ITPRIP: variants seen among roughly 807,000 people sequenced by gnomAD.
The protein encoded by ITPRIP is inositol 1,4,5-trisphosphate receptor interacting protein.
ITPRIP carries 32 observed loss-of-function variants against 35.8 expected under a neutral mutation model. The ratio of observed to expected loss-of-function variants is 0.89; its 90% CI spans 0.68 to 1.20. The LOEUF (loss-of-function observed/expected upper bound fraction) is 1.20. Ranked by LOEUF, ITPRIP falls within the 50% of genes most tolerant of loss-of-function variation. The pLI is 0.00. For synonymous variants in ITPRIP, 358 were observed against 324.0 expected (o/e 1.11, Z -1.13); for missense variants, 653 against 735.6 (o/e 0.89, Z 1.30).
At position 104,314,528 on chromosome 10, in the gene ITPRIP, C is replaced by T; in HGVS notation, c.1524G>A (p.Leu508=). The change falls in exon 2 of 2, where the codon CTG becomes CTA. Residue 508 remains leucine (L), a synonymous_variant. Coordinates refer to ENST00000337478, the MANE Select transcript of ITPRIP (RefSeq NM_001272013.2). ...EPLNLFRPFV[L]QRSLYRKTLD... is the part of the protein sequence containing the mutation. ...GTGTCTTACGGTAAAGGCTTCGCTG[C>T]AGGACGAAGGGCCGGAAGAGGTTGA... The T allele has an allele frequency of 6.2e-7, 1 of 1,614,218 alleles. No individual in the cohort carries two copies. Among genetic ancestry groups the T allele is most frequent in the Non-Finnish European group, 8.5e-7 (1 of 1,180,042 alleles).
rs2013632946 is a variant in ITPRIP at position 104,315,322 on chromosome 10, T to C, written c.730A>G (p.Lys244Glu). Residue 244 changes from lysine to glutamate, a missense_variant, in exon 2 of 2, where the codon AAG (lysine) becomes GAG (glutamate). Physicochemically the swap from Lys to Glu is moderately conservative, Grantham distance 56. Transcript: ENST00000337478. This position sits in a 1 kb window ranked among gnomAD's most constrained non-coding sequence, Gnocchi z 5.7. The stretch of plus-strand genomic sequence containing the variant: ...GTGTCCCCATCGGCGCGGACCACCT[T>C]GATCTGGCCGTAGCCCTGGCGATCC... ...PLDRQGYGQI[K>E]VVRADGDTLS... 3 of 1,571,830 alleles carry C rather than the reference T, an allele frequency of 1.9e-6. No homozygotes were observed. The highest frequency in any genetic ancestry group is 2.7e-5 in the African/African-American group (2 of 74,252).
At chr10:104,316,514 A>G (rs1375415134) in intron 1 of ITPRIP, among the ~76,000 whole-genome samples, 2 of 152,112 alleles carry the variant, frequency 1.3e-5, no homozygotes, top group Non-Finnish European at 2.9e-5. Flanking sequence ...GTTGGGCCCA[A>G]TAGGAAGAAA....
In ITPRIP at chr10:104,315,890, G is replaced by A. The variant is rs765764052; in HGVS notation, c.162C>T (p.Arg54=). 3 of 1,613,758 alleles carry A rather than the reference G, an allele frequency of 1.9e-6. No individual in the cohort carries two copies. In the South Asian group the frequency reaches 3.3e-5, roughly 18 times the overall value. The change falls in exon 2 of 2, where the codon CGC becomes CGT. Residue 54 remains arginine (R), a synonymous_variant. Transcript: ENST00000337478. The surrounding 1 kb of genome is among the most constrained non-coding windows in gnomAD (Gnocchi z 5.7). The part of the protein sequence containing the change: ...HQEKLQLEQL[R]LEEEVARLAA... ...CCAGCCGAGCCACCTCCTCCTCCAG[G>A]CGCAACTGCTCCAGCTGCAGCTTCT...
At chr10:104,319,594 CT>C (rs2013792989) in intron 1 of ITPRIP, among the ~76,000 whole-genome samples, 1 of 152,086 alleles carries the variant, frequency 6.6e-6, no homozygotes, top group African/African-American at 2.4e-5. Context: ...ATTTGGCTCC[CT>C]GTTAAACTCT....
intron 1 of ITPRIP, among the ~76,000 whole-genome samples, chr10:104,331,884 G>A (rs1210599024): frequency 6.6e-6 from 1 of 152,202 alleles, no homozygotes; most frequent in East Asian, 1.9e-4. Flanking sequence ...AGCAGGAAGG[G>A]ACCAGAAGTC....
intron 1 of ITPRIP, among the ~76,000 whole-genome samples, chr10:104,331,991 C>T (rs2014159333): frequency 2.0e-5 from 3 of 152,160 alleles, no homozygotes; most frequent in African/African-American, 7.2e-5. Flanking sequence ...TTCTGGGCTA[C>T]AGTGTCCAGA....
rs2014189398 is a variant in ITPRIP, at chr10:104,333,492, G to T, written c.-14+4754C>A. ...TGCTTCCGTTTCACTGATGTCACGG[G>T]GTGGGCCTAACAGATAGAGGGGGGA... On this transcript the variant is annotated intron_variant, in intron 1 of 1. Coordinates refer to ENST00000337478, the MANE Select transcript of ITPRIP (RefSeq NM_001272013.2). The surrounding 1 kb of genome is among the most constrained non-coding windows in gnomAD (Gnocchi z 4.1). The T allele has an allele frequency of 1.3e-5, 2 of 152,238 alleles. No homozygotes were observed. Among genetic ancestry groups the T allele is most frequent in the Admixed American group, 1.3e-4 (2 of 15,272 alleles). The allele number at this position is 152,238 out of a possible 1,614,324, so 9.4% of individuals were successfully genotyped here.
Position 104,315,592 on chromosome 10 carries a change from T to TG in ITPRIP, c.459dup (p.Thr154HisfsTer17). 1 of 1,613,734 alleles carries TG rather than the reference T, an allele frequency of 6.2e-7. No homozygotes were observed. Among genetic ancestry groups the TG allele is most frequent in the Non-Finnish European group, 8.5e-7 (1 of 1,179,998 alleles). On this transcript the variant is annotated frameshift_variant, in exon 2 of 2. Transcript: ENST00000337478. LOFTEE classifies it high-confidence loss of function. This position sits in a 1 kb window ranked among gnomAD's most constrained non-coding sequence, Gnocchi z 5.7. ...TCCCGGGTACGGGCTGCATCGGCCG[T>TG]GGCCCCCCGGATGCAGCGCTCATAA... is the stretch of plus-strand genomic sequence containing the variant.
chr10:104,318,957 C>A (rs77253626), intron 1 of ITPRIP, among the ~76,000 whole-genome samples: 1 of 152,358 alleles, frequency 6.6e-6, no homozygotes, highest in African/African-American at 2.4e-5. Flanking sequence ...GGGTTCAGGG[C>A]GGAGTGCGCC....
chr10:104,324,054 G>T, intron 1 of ITPRIP: 1 of 152,912 alleles, frequency 6.5e-6, no homozygotes. Context: ...TGCACATTGG[G>T]AGGAGGTGGC....
At chr10:104,322,000 C>T (rs1479758928) in intron 1 of ITPRIP, among the ~76,000 whole-genome samples, 3 of 152,098 alleles carry the variant, frequency 2.0e-5, no homozygotes, top group African/African-American at 4.8e-5. Context: ...TTACAATCCA[C>T]GCGGGAAGGT....
chr10:104,319,925 T>G (rs2013801269), intron 1 of ITPRIP, among the ~76,000 whole-genome samples: 1 of 151,916 alleles, frequency 6.6e-6, no homozygotes, highest in South Asian at 2.1e-4. Flanking sequence ...AAAACAGAGA[T>G]CCTAGGAGTG....
chr10:104,336,498 G>C (rs912049330), intron 1 of ITPRIP, among the ~76,000 whole-genome samples: 10 of 150,000 alleles, frequency 6.7e-5, no homozygotes, highest in African/African-American at 2.2e-4. Flanking sequence ...TTTTTTTGGG[G>C]GGGGGGGGGC....
rs549944181 is a variant in ITPRIP, at chr10:104,320,269, C to T, written c.-13-4205G>A. Among the ~76,000 whole-genome samples, 3 of 151,096 alleles carry T rather than the reference C, an allele frequency of 2.0e-5. No homozygotes were observed. The East Asian group carries it at 5.8e-4, about 29-fold the overall frequency. On this transcript the variant is annotated intron_variant, in intron 1 of 1. Coordinates refer to ENST00000337478, the MANE Select transcript of ITPRIP (RefSeq NM_001272013.2). The stretch of plus-strand genomic sequence containing the variant: ...CTTTTTAGGTTTGACAGACACTTAC[C>T]ATCTCCTGTCTCTGAAACTCGCTTC...
Position 104,316,025 on chromosome 10 carries a change from A to G in ITPRIP, c.27T>C (p.Cys9=), listed in dbSNP as rs1478249914. ...TGATGATGGCCGTCACCACCACCAG[A>G]CACACGCGGAAGAGCCCCATGGCCA... is the stretch of plus-strand genomic sequence containing the variant. MAMGLFRV[C]LVVVTAIINH... The change falls in exon 2 of 2, where the codon TGT becomes TGC. Residue 9 remains cysteine, a synonymous_variant. Transcript: ENST00000337478. 6.3e-7 allele frequency: 1 copy of G among 1,597,072 alleles called. No homozygotes were observed. Among genetic ancestry groups the G allele is most frequent in the African/African-American group, 1.3e-5 (1 of 74,554 alleles).
chr10:104,315,088 C>T lies in ITPRIP; in HGVS notation c.964G>A (p.Asp322Asn), dbSNP rs760892346. The change falls in exon 2 of 2, where the codon GAC becomes AAC. Residue 322 changes from aspartate to asparagine, a missense_variant. By Grantham distance (23) the Asp-to-Asn change is conservative. Coordinates refer to ENST00000337478, the MANE Select transcript of ITPRIP (RefSeq NM_001272013.2). This position sits in a 1 kb window ranked among gnomAD's most constrained non-coding sequence, Gnocchi z 5.7. ...CTGTCCAGCTGGCCAAAGGCCAGGT[C>T]GAACTCGTACTTGTGGGCGATGCCC... ...WKGIAHKYEFDLAFGQLDSPG... is the reference protein window; with the variant it reads ...WKGIAHKYEFNLAFGQLDSPG... The T allele has an allele frequency of 2.4e-5, 39 of 1,614,052 alleles. No homozygotes were observed. Among genetic ancestry groups the T allele is most frequent in the Non-Finnish European group, 3.1e-5 (36 of 1,180,030 alleles).
chr10:104,330,203 G>A (rs2014120017), intron 1 of ITPRIP, among the ~76,000 whole-genome samples: 1 of 152,220 alleles, frequency 6.6e-6, no homozygotes, highest in Non-Finnish European at 1.5e-5. Context: ...ATGGAGTTAG[G>A]ATTGGGAAAA....
Position 104,315,987 on chromosome 10 carries a change from A to G in ITPRIP, c.65T>C (p.Leu22Pro), listed in dbSNP as rs765944093. ...GACTGTGGCGTTCTCCCGCGGGAACAGCAGCGGGTGGTTGATGATGGCCGT... is the reference window on the plus strand; with the variant it reads ...GACTGTGGCGTTCTCCCGCGGGAACGGCAGCGGGTGGTTGATGATGGCCGT... ...VVTAIINHPL[L>P]FPRENATVPE... The change falls in exon 2 of 2, where the codon CTG (leucine) becomes CCG (proline). Residue 22 changes from leucine (L) to proline (P), a missense_variant. By Grantham distance (98) the Leu-to-Pro change is moderately conservative (BLOSUM62 -3). Transcript: ENST00000337478. This position sits in a 1 kb window ranked among gnomAD's most constrained non-coding sequence, Gnocchi z 5.7. 15 of 1,612,106 alleles carry G rather than the reference A, an allele frequency of 9.3e-6. No homozygotes were observed. Among genetic ancestry groups the G allele is most frequent in the Non-Finnish European group, 1.3e-5 (15 of 1,179,374 alleles).
chr10:104,322,154 G>C (rs276230), intron 1 of ITPRIP, among the ~76,000 whole-genome samples: 6,979 of 152,196 alleles, frequency 0.046, 563 homozygotes, highest in African/African-American at 0.16. Context: ...AGCTCTCCCT[G>C]CCCTCACCTG....
Sources: gnomAD v4.1 joint callset for allele counts (sites outside exome capture counted in the v4.1 genomes callset) on GRCh38, gnomAD v4.1.1 for gene constraint, Gnocchi (gnomAD v3.1) non-coding constraint, MANE v1.5 for transcripts, NCBI Gene and HGNC (gene_info 2026-07-23, HGNC 2026-07-21) for gene names.